PPP3CB: variants seen among roughly 807,000 people sequenced by gnomAD.
The protein encoded by PPP3CB is protein phosphatase 3 catalytic subunit beta.
PPP3CB carries 8 observed loss-of-function variants against 66.4 expected under a neutral mutation model. The ratio of observed to expected loss-of-function variants is 0.12; its 90% CI spans 0.07 to 0.22. The LOEUF (loss-of-function observed/expected upper bound fraction) is 0.22. PPP3CB is among the 10% of genes least tolerant of loss of function. PPP3CB has a pLI of 1.00. For missense variants in PPP3CB, 319 were observed against 642.5 expected, an observed-to-expected ratio of 0.50 and a Z score of 5.44; for synonymous variants, 208 against 221.2, an observed-to-expected ratio of 0.94 and a Z score of 0.53.
intron 1 of PPP3CB, among the ~76,000 whole-genome samples, chr10:73,493,527 C>T (rs1227508086): frequency 6.6e-6 from 1 of 152,078 alleles, no homozygotes; most frequent in Non-Finnish European, 1.5e-5. Context: ...AAGGAAGAAT[C>T]CTGAAGATGA....
At chr10:73,440,933 G>A (rs1472713789) in intron 12 of PPP3CB, among the ~76,000 whole-genome samples, 1 of 152,146 alleles carries the variant, frequency 6.6e-6, no homozygotes, top group Admixed American at 6.5e-5. Context: ...GGTTTGAACT[G>A]TATAAAGAGC....
chr10:73,494,600 A>C (rs1395593786), intron 1 of PPP3CB, among the ~76,000 whole-genome samples: 1 of 151,872 alleles, frequency 6.6e-6, no homozygotes, highest in African/African-American at 2.4e-5. Flanking sequence ...AGGCCAAATT[A>C]GTATTATTCT....
chr10:73,467,366 T>G, intron 9 of PPP3CB, 187 bp downstream of exon 9: 7 of 354,164 alleles, frequency 2.0e-5, no homozygotes, highest in South Asian at 7.9e-5. Context: ...CAGCCTCACA[T>G]GGGGGCTGTA....
At chr10:73,443,234 C>CAG (rs373651384) in intron 12 of PPP3CB, among the ~76,000 whole-genome samples, 18 of 101,130 alleles carry the variant, frequency 1.8e-4, no homozygotes, top group East Asian at 5.3e-4. Flanking sequence ...AAAAGAAAGA[C>CAG]AGAGAGAGAG....
Position 73,451,785 on chromosome 10 carries a change from G to A in PPP3CB, c.1186+2627C>T, listed in dbSNP as rs565076171. Among the ~76,000 whole-genome samples the A allele has an allele frequency of 1.8e-4, 24 of 136,234 alleles. No homozygotes were observed. In the East Asian group the frequency reaches 3.4e-3, roughly 19 times the overall value. The allele number at this position is 136,234 out of a possible 152,430, so 89.4% of individuals were successfully genotyped here. A position where few individuals can be genotyped will look rare whatever the true frequency, so the allele number is the denominator to read the frequency against. ...TTTTGAGACGGAGTCTCCATCTGTC[G>A]CCCAGGCTGGAGTGCAGTGGTGCGA... On this transcript the variant is annotated intron_variant, in intron 10 of 13. Transcript: ENST00000360663.
At chr10:73,479,648 A>C (rs2056843551) in intron 1 of PPP3CB, 131 bp from the exon 2 acceptor site, 2 of 853,742 alleles carry the variant, frequency 2.3e-6, no homozygotes, top group Non-Finnish European at 1.7e-6. Context: ...TATTGGGTAG[A>C]AGTGTTTTTC....
chr10:73,447,603 G>T (rs1304198248), intron 10 of PPP3CB, among the ~76,000 whole-genome samples: 4 of 152,166 alleles, frequency 2.6e-5, no homozygotes, highest in African/African-American at 9.7e-5. Flanking sequence ...CTGAACAACT[G>T]TAAGTCTTCT....
intron 1 of PPP3CB, among the ~76,000 whole-genome samples, chr10:73,493,147 G>A (rs530810047): frequency 9.9e-5 from 15 of 152,010 alleles, no homozygotes; most frequent in African/African-American, 1.4e-4. Context: ...ATGGTGGCGC[G>A]CACCTATAAT....
At chr10:73,444,605 T>C (rs2056215951) in intron 12 of PPP3CB, 120 bp downstream of exon 12, 2 of 1,554,772 alleles carry the variant, frequency 1.3e-6, no homozygotes, top group African/African-American at 2.7e-5. Context: ...CTAGGTCAGC[T>C]GCTGAGACAG....
chr10:73,476,671 T>C (rs2132957003), intron 3 of PPP3CB, among the ~76,000 whole-genome samples: 1 of 150,888 alleles, frequency 6.6e-6, no homozygotes, highest in East Asian at 1.9e-4. Context: ...CACAAGGACA[T>C]GCACACCAAC....
intron 3 of PPP3CB, among the ~76,000 whole-genome samples, chr10:73,477,473 A>C (rs545242204): frequency 3.9e-5 from 6 of 152,382 alleles, no homozygotes; most frequent in Admixed American, 6.5e-5. Context: ...GTTTATATTT[A>C]CTGACTTGGA....
chr10:73,443,679 C>G (rs1375805781), intron 12 of PPP3CB: 1 of 152,186 alleles, frequency 6.6e-6, no homozygotes, highest in Non-Finnish European at 1.5e-5. Context: ...TCACTCTCTT[C>G]TATTTAATCT....
At position 73,495,996 on chromosome 10, in the gene PPP3CB, TTTCC is replaced by T; in HGVS notation, c.-111_-108del. 1 of 654,438 alleles carries T rather than the reference TTTCC, an allele frequency of 1.5e-6. No individual in the cohort carries two copies. The highest frequency in any genetic ancestry group is 2.1e-6 in the Non-Finnish European group (1 of 466,852). The allele number at this position is 654,438 out of a possible 1,614,324, so 40.5% of individuals were successfully genotyped here. A position where few individuals can be genotyped will look rare whatever the true frequency, so the allele number is the denominator to read the frequency against. ...CCGCCGGGGAACATGGCGGACCCTC[TTTCC>T]CTACAGAGGGGCTAAGACCGGCATG... is the stretch of plus-strand genomic sequence containing the variant. On this transcript the variant is annotated 5_prime_UTR_variant, in exon 1 of 14. Coordinates refer to ENST00000360663, the MANE Select transcript of PPP3CB (RefSeq NM_021132.4).
Position 73,491,022 on chromosome 10 carries a change from G to GTTTTTTTTTTTT in PPP3CB, c.85+4771_85+4782dup, listed in dbSNP as rs528238766. On this transcript the variant is annotated intron_variant, in intron 1 of 13. Transcript: ENST00000360663. Reference sequence around the variant, plus strand: ...TAATTTTTGTTTGTTTGTTTTTATTGTTTTTTTTTTTTTTTTTTTTTTTTT... The same window carrying GTTTTTTTTTTTT: ...TAATTTTTGTTTGTTTGTTTTTATTGTTTTTTTTTTTTTTTTTTTTTTTTTTTTTTTTTTTTT... 2.0e-3 allele frequency among the ~76,000 whole-genome samples: 83 copies of GTTTTTTTTTTTT among 40,914 alleles called. 4 individuals carry two copies. Among genetic ancestry groups the GTTTTTTTTTTTT allele is most frequent in the Non-Finnish European group, 3.0e-3 (56 of 18,842 alleles). 26.8% of individuals were successfully genotyped at this position (40,914 alleles called of 152,430 possible).
chr10:73,477,784 G>C (rs898097639), intron 3 of PPP3CB, among the ~76,000 whole-genome samples: 1 of 152,048 alleles, frequency 6.6e-6, no homozygotes, highest in East Asian at 1.9e-4. Flanking sequence ...AGGCATGGTG[G>C]TGTGTACCTG....
chr10:73,438,571 G>A (rs1589678525), intron 13 of PPP3CB, 151 bp from the exon 14 acceptor site: 7 of 679,160 alleles, frequency 1.0e-5, no homozygotes, highest in South Asian at 7.8e-5. Context: ...CCTCATTTCA[G>A]TCTTTCCTTA....
intron 12 of PPP3CB, among the ~76,000 whole-genome samples, chr10:73,441,990 T>C (rs1178806163): frequency 1.3e-5 from 2 of 152,216 alleles, no homozygotes; most frequent in Non-Finnish European, 2.9e-5. Flanking sequence ...CACACTAACA[T>C]CAGGGAACAT....
At chr10:73,484,310 C>T (rs976929534) in intron 1 of PPP3CB, among the ~76,000 whole-genome samples, 2 of 151,820 alleles carry the variant, frequency 1.3e-5, no homozygotes, top group African/African-American at 2.4e-5. Context: ...CGCTCTGTTG[C>T]CCAGGCTGGA....
intron 9 of PPP3CB, among the ~76,000 whole-genome samples, chr10:73,461,315 G>A (rs2056517545): frequency 6.6e-6 from 1 of 152,032 alleles, no homozygotes; most frequent in African/African-American, 2.4e-5. Context: ...GGCATGGTGG[G>A]GCATGCCTGT....
Sources: allele counts gnomAD v4.1 joint callset (sites outside exome capture counted in the v4.1 genomes callset), GRCh38; gene constraint gnomAD v4.1.1; transcripts MANE v1.5; gene names NCBI Gene and HGNC (gene_info 2026-07-23, HGNC 2026-07-21).